Variants in SLC28A3 observed in about 807,000 individuals in gnomAD.
SLC28A3 encodes the protein solute carrier family 28 member 3, also known as concentrative Na(+)-nucleoside cotransporter 3.
Under a neutral mutation model 84.2 loss-of-function variants are expected in SLC28A3, and 68 were observed. The ratio of observed to expected loss-of-function variants is 0.81; its 90% CI spans 0.66 to 0.99. The LOEUF is 0.99. SLC28A3 is among the 50% of genes least tolerant of loss of function. The probability of loss-of-function intolerance (pLI) is 0.00; values close to 1 mark genes in which losing one functional copy is unlikely to be tolerated. For missense variants in SLC28A3, 712 were observed against 841.5 expected (o/e 0.85, Z 1.90); for synonymous variants, 267 against 303.6 (o/e 0.88, Z 1.25).
At chr9:84,294,388 G>T (rs1315975624) in intron 8 of SLC28A3, 113 bp from the exon 9 acceptor site, 13 of 932,744 alleles carry the variant, frequency 1.4e-5, no homozygotes, top group Non-Finnish European at 2.0e-5. Context: ...ATAAAAATAT[G>T]GGAAACTCCT....
At position 84,297,897 on chromosome 9, in the gene SLC28A3, C is replaced by T. The variant is rs1304222420; in HGVS notation, c.783+9G>A. ...ATAAAAGCAAAGTGTTCTTTTGAAC[C>T]AAACTTACCTGAACTTGTCTGCCCA... On this transcript the variant is annotated intron_variant, in intron 7 of 17. Transcript: ENST00000376238. 1 of 1,588,808 alleles carries T rather than the reference C, an allele frequency of 6.3e-7. No homozygotes were observed. The highest frequency in any genetic ancestry group is 8.5e-7 in the Non-Finnish European group (1 of 1,173,706).
intron 14 of SLC28A3, among the ~76,000 whole-genome samples, chr9:84,281,239 C>T (rs1458438594): frequency 6.6e-6 from 1 of 152,044 alleles, no homozygotes; most frequent in African/African-American, 2.4e-5. Flanking sequence ...AAAAATTGGT[C>T]CCAGAAAATA....
At chr9:84,279,232 A>G (rs1313462830) in intron 17 of SLC28A3, 33 bp downstream of exon 17, 23 of 1,563,274 alleles carry the variant, frequency 1.5e-5, no homozygotes, top group Non-Finnish European at 2.0e-5. Context: ...TTATTAATGG[A>G]GTATAAAGAA....
chr9:84,310,053 A>C (rs1216414285), intron 2 of SLC28A3, among the ~76,000 whole-genome samples: 2 of 152,146 alleles, frequency 1.3e-5, no homozygotes, highest in Non-Finnish European at 2.9e-5. Context: ...CAAGTACTAA[A>C]TGAAGTTAAT....
intron 1 of SLC28A3, among the ~76,000 whole-genome samples, chr9:84,327,988 C>A (rs1406906085): frequency 6.6e-6 from 1 of 150,750 alleles, no homozygotes. Flanking sequence ...TGATCAGACT[C>A]AGAGTTCACC....
chr9:84,356,589 T>C, the SLC28A3 span, among the ~76,000 whole-genome samples: 1 of 152,128 alleles, frequency 6.6e-6, no homozygotes, highest in Non-Finnish European at 1.5e-5. Context: ...CCCAGCACTT[T>C]GGGAGGCCAA....
intron 9 of SLC28A3, 141 bp downstream of exon 9, chr9:84,294,054 T>G: frequency 1.5e-6 from 1 of 660,270 alleles, no homozygotes; most frequent in South Asian, 2.8e-5. Context: ...AGGTTTTGAA[T>G]CTAATCACTT....
the SLC28A3 span, among the ~76,000 whole-genome samples, chr9:84,348,439 T>C: frequency 6.6e-6 from 1 of 152,088 alleles, no homozygotes; most frequent in African/African-American, 2.4e-5. Flanking sequence ...GCTGCAAGCT[T>C]GGGCTAGTTA....
At chr9:84,305,232 C>G (rs749262537) in intron 4 of SLC28A3, 22 bp downstream of exon 4, 4 of 1,575,694 alleles carry the variant, frequency 2.5e-6, no homozygotes, top group South Asian at 2.3e-5. Context: ...CAGTGGTATC[C>G]CTAACCATCT....
In SLC28A3 at chr9:84,325,102, A is replaced by G. The variant is rs1826507503; in HGVS notation, c.61-11648T>C. 2.0e-5 allele frequency among the ~76,000 whole-genome samples: 3 copies of G among 152,188 alleles called. No homozygotes were observed. The South Asian group carries it at 6.2e-4, about 32-fold the overall frequency. On this transcript the variant is annotated intron_variant, in intron 1 of 17. Coordinates refer to ENST00000376238, the MANE Select transcript of SLC28A3 (RefSeq NM_001199633.2). ...AGAAACCAAGATTTTGCAATCAATGAGGATCCCTGAGGTAAATCAAGAGAA... is the reference window on the plus strand; with the variant it reads ...AGAAACCAAGATTTTGCAATCAATGGGGATCCCTGAGGTAAATCAAGAGAA...
At chr9:84,304,515 G>A (rs950441260) in intron 4 of SLC28A3, among the ~76,000 whole-genome samples, 1 of 152,050 alleles carries the variant, frequency 6.6e-6, no homozygotes, top group African/African-American at 2.4e-5. Context: ...GTGAGCCAAG[G>A]AGCTCTTTGT....
At chr9:84,293,884 T>C (rs1172356607) in intron 9 of SLC28A3, among the ~76,000 whole-genome samples, 1 of 152,142 alleles carries the variant, frequency 6.6e-6, no homozygotes, top group Non-Finnish European at 1.5e-5. Flanking sequence ...TTAACCAAGA[T>C]GAAGGAATAA....
intron 5 of SLC28A3, among the ~76,000 whole-genome samples, chr9:84,301,626 A>C (rs1198818441): frequency 6.6e-6 from 1 of 152,204 alleles, no homozygotes; most frequent in Non-Finnish European, 1.5e-5. Context: ...GTAAGAAAAA[A>C]AGTTGGTAAA....
rs1824518527 is a variant in SLC28A3 at position 84,276,145 on chromosome 9, G to T, written c.*2073C>A. 1 of 151,888 alleles carries T rather than the reference G, an allele frequency of 6.6e-6. No homozygotes were observed. Among genetic ancestry groups the T allele is most frequent in the Non-Finnish European group, 1.5e-5 (1 of 67,992 alleles). 9.4% of individuals were successfully genotyped at this position (151,888 alleles called of 1,614,324 possible). A position where few individuals can be genotyped will look rare whatever the true frequency, so the allele number is the denominator to read the frequency against. ...TTTAAGCACATTTAGACCAACATGGGTATGTAAATTTACTTTGCAAATTTA... is the reference window on the plus strand; with the variant it reads ...TTTAAGCACATTTAGACCAACATGGTTATGTAAATTTACTTTGCAAATTTA... On this transcript the variant is annotated 3_prime_UTR_variant, in exon 18 of 18. Coordinates refer to ENST00000376238, the MANE Select transcript of SLC28A3 (RefSeq NM_001199633.2).
At chr9:84,336,067 A>T (rs879088422) in intron 1 of SLC28A3, among the ~76,000 whole-genome samples, 1 of 96,554 alleles carries the variant, frequency 1.0e-5, no homozygotes, top group African/African-American at 5.4e-5. Flanking sequence ...AAGTAATATT[A>T]AAAAAAAAAA....
chr9:84,363,150 A>G, the SLC28A3 span, among the ~76,000 whole-genome samples: 11 of 152,166 alleles, frequency 7.2e-5, no homozygotes, highest in Non-Finnish European at 1.6e-4. Flanking sequence ...TGATATTTAA[A>G]GCTATGGAAC....
chr9:84,298,818 G>A (rs17427184), intron 6 of SLC28A3, among the ~76,000 whole-genome samples: 13,773 of 152,182 alleles, frequency 0.091, 751 homozygotes, highest in Admixed American at 0.18. Context: ...CATTGTAAAA[G>A]AGACCAATAA....
intron 5 of SLC28A3, among the ~76,000 whole-genome samples, chr9:84,301,367 A>G (rs938803829): frequency 5.3e-5 from 8 of 150,946 alleles, no homozygotes; most frequent in African/African-American, 7.3e-5. Context: ...AAAAAAAAAA[A>G]AAAAAAAGAA....
intron 1 of SLC28A3, among the ~76,000 whole-genome samples, chr9:84,334,559 G>A (rs1826901569): frequency 6.6e-6 from 1 of 152,050 alleles, no homozygotes; most frequent in African/African-American, 2.4e-5. Context: ...CTTGACCTGA[G>A]TGACAGTTCG....
Sources: allele counts gnomAD v4.1 joint callset (sites outside exome capture counted in the v4.1 genomes callset), GRCh38; gene constraint gnomAD v4.1.1; transcripts MANE v1.5; gene names NCBI Gene and HGNC (gene_info 2026-07-23, HGNC 2026-07-21).